Variants in CNIH3 observed in about 807,000 individuals in gnomAD.
CNIH3 encodes the protein protein cornichon homolog 3.
A neutral mutation model predicts 24.1 loss-of-function variants in CNIH3; 14 were observed. The ratio of observed to expected loss-of-function variants is 0.58; its 90% CI spans 0.38 to 0.91. CNIH3 has a LOEUF of 0.91. Among genes scored for constraint, CNIH3 ranks in the 40% least tolerant of loss-of-function variants. The pLI, the probability that CNIH3 is intolerant of heterozygous loss-of-function variation, is 0.00. For missense variants in CNIH3, 178 were observed against 196.8 expected, an observed-to-expected ratio of 0.90 and a Z score of 0.57; for synonymous variants, 68 against 73.8, an observed-to-expected ratio of 0.92 and a Z score of 0.40.
intron 1 of CNIH3, among the ~76,000 whole-genome samples, chr1:224,671,005 C>A (rs954651594): frequency 6.6e-6 from 1 of 152,200 alleles, no homozygotes; most frequent in Non-Finnish European, 1.5e-5. Flanking sequence ...CCAGATAGAA[C>A]AAAAGACCAA....
chr1:224,524,757 T>C (rs984740960), intron 2 of CNIH3, among the ~76,000 whole-genome samples: 1 of 152,218 alleles, frequency 6.6e-6, no homozygotes, highest in Non-Finnish European at 1.5e-5. Flanking sequence ...CTTCCTCTTA[T>C]GATAATAGCT....
chr1:224,532,086 G>T (rs1271700186), intron 2 of CNIH3, among the ~76,000 whole-genome samples: 1 of 152,182 alleles, frequency 6.6e-6, no homozygotes, highest in Non-Finnish European at 1.5e-5. Flanking sequence ...GTACTTATAA[G>T]GTATGGTGCA....
intron 1 of CNIH3, among the ~76,000 whole-genome samples, chr1:224,446,875 C>G (rs540806002): frequency 1.1e-4 from 16 of 152,176 alleles, no homozygotes; most frequent in African/African-American, 3.4e-4. Flanking sequence ...CTGGACCCAG[C>G]TGAGCCCGTA....
At chr1:224,606,998 G>A (rs1235688206) in intron 3 of CNIH3, among the ~76,000 whole-genome samples, 6 of 152,206 alleles carry the variant, frequency 3.9e-5, no homozygotes, top group Non-Finnish European at 7.3e-5. Flanking sequence ...AAAGAAAAAG[G>A]TGATTTAGCC....
chr1:224,499,451 T>C (rs2124866547), intron 1 of CNIH3, among the ~76,000 whole-genome samples: 1 of 152,274 alleles, frequency 6.6e-6, no homozygotes, highest in East Asian at 1.9e-4. Flanking sequence ...TAATCAATCG[T>C]TGTTTTTGTT....
At position 224,739,647 on chromosome 1, in the gene CNIH3, C is replaced by G. The variant is rs1246606037; in HGVS notation, c.*291C>G. 2 of 506,528 alleles carry G rather than the reference C, an allele frequency of 3.9e-6. No individual in the cohort carries two copies. Among genetic ancestry groups the G allele is most frequent in the Non-Finnish European group, 6.8e-6 (2 of 292,878 alleles). 31.4% of individuals were successfully genotyped at this position (506,528 alleles called of 1,614,324 possible). A position where few individuals can be genotyped will look rare whatever the true frequency, so the allele number is the denominator to read the frequency against. ...GGGGAGTAGGTGACGAAACACTAGA[C>G]CTCTCCTGAGAGAGAATTGCTGCTT... On this transcript the variant is annotated 3_prime_UTR_variant, in exon 6 of 6. Coordinates refer to ENST00000272133, the MANE Select transcript of CNIH3 (RefSeq NM_152495.2).
intron 3 of CNIH3, among the ~76,000 whole-genome samples, chr1:224,725,013 A>G (rs565803510): frequency 6.6e-6 from 1 of 152,148 alleles, no homozygotes; most frequent in Non-Finnish European, 1.5e-5. Context: ...GTTCAAGATC[A>G]GCCTGGTCAA....
At chr1:224,489,019 A>G (rs900794026) in intron 1 of CNIH3, among the ~76,000 whole-genome samples, 5 of 152,054 alleles carry the variant, frequency 3.3e-5, no homozygotes, top group African/African-American at 1.2e-4. Context: ...CTTTTTCTTG[A>G]TATGAGTAGT....
chr1:224,643,575 C>T (rs1027527519), intron 1 of CNIH3, among the ~76,000 whole-genome samples: 25 of 152,196 alleles, frequency 1.6e-4, no homozygotes, highest in African/African-American at 5.1e-4. Flanking sequence ...GGCAGCCTCC[C>T]TTCTGTTGTG....
At chr1:224,513,959 C>G (rs936159016), upstream of CNIH3, 1 of 152,228 alleles carries the variant, frequency 6.6e-6, no homozygotes, top group African/African-American at 2.4e-5. Flanking sequence ...GCCTGAGGCT[C>G]ACGTTCCTTC....
At chr1:224,530,082 G>A (rs980087107) in intron 2 of CNIH3, among the ~76,000 whole-genome samples, 5 of 152,190 alleles carry the variant, frequency 3.3e-5, no homozygotes, top group African/African-American at 1.2e-4. Context: ...TTCTGGGGCA[G>A]GAGAGGGCTG....
chr1:224,447,542 A>T (rs546402729), intron 1 of CNIH3, among the ~76,000 whole-genome samples: 2 of 152,352 alleles, frequency 1.3e-5, no homozygotes, highest in East Asian at 3.9e-4. Flanking sequence ...GTGCTTCACC[A>T]GTTCTCTATT....
At chr1:224,679,872 C>G (rs1380044563) in intron 1 of CNIH3, among the ~76,000 whole-genome samples, 1 of 152,172 alleles carries the variant, frequency 6.6e-6, no homozygotes, top group East Asian at 1.9e-4. Flanking sequence ...GATGTGCCTT[C>G]CTGGGGAGTT....
intron 5 of CNIH3, among the ~76,000 whole-genome samples, chr1:224,735,231 T>TTACAGTTGGA (rs1689537247): frequency 6.6e-6 from 1 of 152,240 alleles, no homozygotes; most frequent in Admixed American, 6.5e-5. Context: ...GTTTTCCCAA[T>TTACAGTTGGA]ATTACATAAC....
At chr1:224,452,152 C>CT (rs58936897) in intron 1 of CNIH3, among the ~76,000 whole-genome samples, 97,649 of 142,248 alleles carry the variant, frequency 0.69, 35,257 homozygotes, top group East Asian at 0.98. Flanking sequence ...TTACCAATGT[C>CT]TTTTTTTTTT....
chr1:224,560,629 A>G (rs557298439), intron 3 of CNIH3, among the ~76,000 whole-genome samples: 2 of 151,968 alleles, frequency 1.3e-5, no homozygotes, highest in Admixed American at 6.6e-5. Flanking sequence ...TCTAGGTTAC[A>G]TGCTCCTTAT....
At chr1:224,445,738 A>T (rs138683182) in intron 1 of CNIH3, among the ~76,000 whole-genome samples, 5 of 152,252 alleles carry the variant, frequency 3.3e-5, no homozygotes, top group Non-Finnish European at 7.4e-5. Flanking sequence ...TGTCTTGATG[A>T]ACAGAAGTTC....
intron 1 of CNIH3, among the ~76,000 whole-genome samples, chr1:224,668,209 AC>A (rs1685689818): frequency 6.6e-6 from 1 of 152,180 alleles, no homozygotes. Context: ...ACTACAAGCA[AC>A]CGGTCACCTA....
intron 1 of CNIH3, among the ~76,000 whole-genome samples, chr1:224,632,350 T>G (rs564847005): frequency 4.3e-4 from 66 of 152,192 alleles, no homozygotes; most frequent in African/African-American, 1.4e-3. Flanking sequence ...AATTCTACAC[T>G]GAACAGATAC....
Sources: allele counts gnomAD v4.1 joint callset (sites outside exome capture counted in the v4.1 genomes callset), GRCh38; gene constraint gnomAD v4.1.1; transcripts MANE v1.5; gene names NCBI Gene and HGNC (gene_info 2026-07-23, HGNC 2026-07-21).